The following CCDC60 variants were observed in gnomAD, a reference collection of about 807,000 sequenced individuals.
CCDC60 encodes coiled-coil domain-containing protein 60.
CCDC60 carries 54 observed loss-of-function variants against 63.5 expected under a neutral mutation model. The observed-to-expected ratio is 0.85, with a 90% CI of 0.68 to 1.07. The LOEUF (loss-of-function observed/expected upper bound fraction) is 1.07, where lower values mean the gene tolerates loss of function less well. Ranked by LOEUF, CCDC60 falls within the 50% of genes least tolerant of loss-of-function variation. The pLI is 0.00. For missense variants in CCDC60, 651 were observed against 684.3 expected (o/e 0.95, Z 0.54); for synonymous variants, 206 against 238.8 (o/e 0.86, Z 1.27).
At chr12:119,360,431 C>T (rs1192497218) in intron 1 of CCDC60, among the ~76,000 whole-genome samples, 2 of 151,068 alleles carry the variant, frequency 1.3e-5, no homozygotes, top group African/African-American at 2.4e-5. Context: ...GGCTGCCGGG[C>T]GGAGACGCTC....
Position 119,540,686 on chromosome 12 carries a change from C to A in CCDC60, c.1624C>A (p.Pro542Thr). The change falls in exon 14 of 14, where the codon CCC becomes ACC. Residue 542 changes from proline (P) to threonine (T), a missense_variant. Pro to Thr is a conservative substitution (Grantham distance 38). Transcript: ENST00000327554. ...ISWLQSRINIPIGPYSALR is the reference protein window; with the variant it reads ...ISWLQSRINITIGPYSALR ...CTGGCTGCAGAGCCGGATCAACATA[C>A]CCATTGGGCCCTACAGCGCCCTGAG... 1.2e-6 allele frequency: 2 copies of A among 1,613,830 alleles called. No homozygotes were observed. Among genetic ancestry groups the A allele is most frequent in the East Asian group, 4.5e-5 (2 of 44,886 alleles).
intron 9 of CCDC60, among the ~76,000 whole-genome samples, chr12:119,522,723 A>T (rs568818425): frequency 6.6e-6 from 1 of 152,306 alleles, no homozygotes; most frequent in East Asian, 1.9e-4. Flanking sequence ...TTAAATAGGT[A>T]GAAAAGAAAC....
intron 13 of CCDC60, among the ~76,000 whole-genome samples, chr12:119,538,846 G>A (rs1413416982): frequency 6.6e-6 from 1 of 152,212 alleles, no homozygotes; most frequent in African/African-American, 2.4e-5. Flanking sequence ...TTTGGTCTCT[G>A]ATGTTGGTGA....
intron 1 of CCDC60, among the ~76,000 whole-genome samples, chr12:119,372,665 G>T (rs1239790567): frequency 6.6e-6 from 1 of 152,112 alleles, no homozygotes; most frequent in African/African-American, 2.4e-5. Context: ...GAGATATCTC[G>T]GTGCTTGAGT....
chr12:119,459,594 C>T (rs1256037398), intron 2 of CCDC60, among the ~76,000 whole-genome samples: 1 of 152,204 alleles, frequency 6.6e-6, no homozygotes, highest in African/African-American at 2.4e-5. Flanking sequence ...ACCCCCATTG[C>T]TCCTATAGAT....
chr12:119,390,120 G>A (rs1341815931), intron 1 of CCDC60, among the ~76,000 whole-genome samples: 1 of 152,164 alleles, frequency 6.6e-6, no homozygotes, highest in Non-Finnish European at 1.5e-5. Flanking sequence ...CTACCATAAT[G>A]CCATTCTCAA....
chr12:119,518,908 A>G (rs1332220152), intron 8 of CCDC60, among the ~76,000 whole-genome samples: 1 of 152,240 alleles, frequency 6.6e-6, no homozygotes, highest in Non-Finnish European at 1.5e-5. Flanking sequence ...TCATGAGACC[A>G]TCACATGGCC....
At chr12:119,491,063 AAC>A (rs1366662124) in intron 5 of CCDC60, among the ~76,000 whole-genome samples, 20 of 152,174 alleles carry the variant, frequency 1.3e-4, no homozygotes, top group Non-Finnish European at 2.8e-4. Flanking sequence ...TATAAACATA[AAC>A]AGTCACATTT....
At chr12:119,529,815 T>C (rs1476536056) in intron 12 of CCDC60, among the ~76,000 whole-genome samples, 1 of 152,166 alleles carries the variant, frequency 6.6e-6, no homozygotes, top group Non-Finnish European at 1.5e-5. Context: ...CTAACTCACA[T>C]AAAGGTATTA....
chr12:119,507,565 TATATGTATATATAC>T (rs1268183408), intron 7 of CCDC60, among the ~76,000 whole-genome samples: 2,531 of 67,350 alleles, frequency 0.038, 343 homozygotes, highest in East Asian at 0.14. Context: ...TATATATATA[TATATGTATATATAC>T]ACATATATAT....
At chr12:119,503,342 G>A (rs1951905229) in intron 6 of CCDC60, among the ~76,000 whole-genome samples, 1 of 152,196 alleles carries the variant, frequency 6.6e-6, no homozygotes, top group South Asian at 2.1e-4. Context: ...GGGGCCTTCT[G>A]TCAGTTTTGC....
intron 1 of CCDC60, among the ~76,000 whole-genome samples, chr12:119,363,528 A>AT (rs753759672): frequency 2.0e-4 from 31 of 152,162 alleles, no homozygotes; most frequent in Non-Finnish European, 4.0e-4. Context: ...AAATTTATCC[A>AT]TTCTTTTTAT....
chr12:119,382,494 G>C (rs778669734), intron 1 of CCDC60, among the ~76,000 whole-genome samples: 1 of 152,198 alleles, frequency 6.6e-6, no homozygotes, highest in Non-Finnish European at 1.5e-5. Flanking sequence ...AAAAGTATTC[G>C]TAACAGGGGG....
chr12:119,520,227 G>A (rs368870463), intron 9 of CCDC60, 35 bp downstream of exon 9: 345 of 1,587,818 alleles, frequency 2.2e-4, no homozygotes, highest in Admixed American at 5.2e-4. Context: ...AGGTGCCTCC[G>A]AAGGCAGCCC....
chr12:119,470,802 A>G (rs990632487), intron 2 of CCDC60, among the ~76,000 whole-genome samples: 1 of 151,890 alleles, frequency 6.6e-6, no homozygotes, highest in Non-Finnish European at 1.5e-5. Flanking sequence ...TGCCTCTCCC[A>G]TTACCCTGTG....
intron 8 of CCDC60, among the ~76,000 whole-genome samples, chr12:119,517,716 G>T (rs2136477679): frequency 6.6e-6 from 1 of 152,306 alleles, no homozygotes; most frequent in Admixed American, 6.5e-5. Context: ...TGAAACTCAA[G>T]GATTCTGGTT....
intron 1 of CCDC60, among the ~76,000 whole-genome samples, chr12:119,397,459 G>T (rs1216289248): frequency 3.3e-5 from 5 of 151,798 alleles, no homozygotes; most frequent in Non-Finnish European, 5.9e-5. Flanking sequence ...GTGCTGATTG[G>T]TGCATTTGCA....
At chr12:119,335,889 A>G (rs1955465773) in intron 1 of CCDC60, among the ~76,000 whole-genome samples, 1 of 151,638 alleles carries the variant, frequency 6.6e-6, no homozygotes, top group African/African-American at 2.4e-5. Flanking sequence ...CTATGTCCTG[A>G]ATGGTATTGC....
chr12:119,535,323 T>C (rs1007349706), intron 13 of CCDC60, among the ~76,000 whole-genome samples: 1 of 152,194 alleles, frequency 6.6e-6, no homozygotes, highest in African/African-American at 2.4e-5. Flanking sequence ...TTGTTACTCT[T>C]GCTAGCAGTC....
Sources: gnomAD v4.1 joint callset for allele counts (sites outside exome capture counted in the v4.1 genomes callset) on GRCh38, gnomAD v4.1.1 for gene constraint, MANE v1.5 for transcripts, NCBI Gene and HGNC (gene_info 2026-07-23, HGNC 2026-07-21) for gene names.